ETV1: variants seen among roughly 807,000 people sequenced by gnomAD.
ETV1 encodes ETS translocation variant 1.
Under a neutral mutation model 62.3 loss-of-function variants are expected in ETV1, and 27 were observed. The observed-to-expected ratio is 0.43, with a 90% CI of 0.32 to 0.60. The LOEUF (loss-of-function observed/expected upper bound fraction) is 0.60. ETV1 is among the 20% of genes least tolerant of loss of function. ETV1 has a pLI of 0.06. For missense variants in ETV1, 605 were observed against 605.8 expected (o/e 1.00, Z 0.01); for synonymous variants, 222 against 199.6 (o/e 1.11, Z -0.94).
chr7:13,925,943 A>C (rs1213445559), intron 9 of ETV1, among the ~76,000 whole-genome samples: 1 of 152,008 alleles, frequency 6.6e-6, no homozygotes, highest in African/African-American at 2.4e-5. Flanking sequence ...TTAATACTTC[A>C]CAGATACAAA....
At chr7:13,958,069 T>A (rs1789702225) in intron 6 of ETV1, among the ~76,000 whole-genome samples, 1 of 152,230 alleles carries the variant, frequency 6.6e-6, no homozygotes, top group African/African-American at 2.4e-5. Flanking sequence ...CCAGTGACTA[T>A]TTCTTTGAAT....
intron 7 of ETV1, among the ~76,000 whole-genome samples, chr7:13,937,081 G>C (rs939556929): frequency 2.0e-5 from 3 of 152,002 alleles, no homozygotes; most frequent in Admixed American, 6.6e-5. Context: ...GCAATCATCA[G>C]TACACTTTTT....
At chr7:13,956,885 T>A (rs1789527421) in intron 6 of ETV1, among the ~76,000 whole-genome samples, 1 of 152,072 alleles carries the variant, frequency 6.6e-6, no homozygotes, top group African/African-American at 2.4e-5. Context: ...TTCTGTGGAT[T>A]AATAAAATTT....
intron 12 of ETV1, among the ~76,000 whole-genome samples, chr7:13,903,563 G>C (rs1782655035): frequency 1.3e-5 from 2 of 152,026 alleles, no homozygotes; most frequent in South Asian, 4.2e-4. Flanking sequence ...AGGAGTTCAA[G>C]ACCACCCTGG....
At chr7:13,933,040 G>C (rs972594686) in intron 8 of ETV1, among the ~76,000 whole-genome samples, 4 of 152,126 alleles carry the variant, frequency 2.6e-5, no homozygotes, top group African/African-American at 9.7e-5. Context: ...GACTGGCACT[G>C]CATTCATTTC....
In ETV1 at chr7:13,906,415, A is replaced by T. The variant is rs1782963439; in HGVS notation, c.1110+15T>A. On this transcript the variant is annotated intron_variant, in intron 12 of 13. Coordinates refer to ENST00000430479, the MANE Select transcript of ETV1 (RefSeq NM_004956.5). ...AACATGTCTGAGTGTCCTAATTAAAATCTATTAAACTAACCTCTTCAGGCT... is the reference window on the plus strand; with the variant it reads ...AACATGTCTGAGTGTCCTAATTAAATTCTATTAAACTAACCTCTTCAGGCT... The T allele has an allele frequency of 1.3e-6, 2 of 1,512,876 alleles. No individual in the cohort carries two copies. The highest frequency in any genetic ancestry group is 1.8e-6 in the Non-Finnish European group (2 of 1,129,914). The allele number at this position is 1,512,876 out of a possible 1,614,324, so 93.7% of individuals were successfully genotyped here.
At chr7:13,986,016 C>A in intron 5 of ETV1, 1 of 985,448 alleles carries the variant, frequency 1.0e-6, no homozygotes, top group South Asian at 1.5e-5. Context: ...TCAATTTCAG[C>A]AAACATAACA....
At chr7:13,967,535 T>C (rs1276750376) in intron 6 of ETV1, among the ~76,000 whole-genome samples, 1 of 152,122 alleles carries the variant, frequency 6.6e-6, no homozygotes, top group African/African-American at 2.4e-5. Context: ...CCTTAGCTAC[T>C]GTCAAATGCA....
chr7:13,944,247 G>C (rs1028322684), intron 6 of ETV1, among the ~76,000 whole-genome samples: 10 of 152,222 alleles, frequency 6.6e-5, no homozygotes, highest in African/African-American at 2.2e-4. Context: ...AAATACCATA[G>C]ACCGTATGGT....
At chr7:13,946,874 T>G (rs1358133839) in intron 6 of ETV1, among the ~76,000 whole-genome samples, 6 of 152,166 alleles carry the variant, frequency 3.9e-5, no homozygotes, top group Non-Finnish European at 8.8e-5. Context: ...CCGCAACCCC[T>G]GCCTCGCGGG....
At chr7:13,988,908 C>A in intron 3 of ETV1, 100 bp downstream of exon 3, 2 of 1,506,100 alleles carry the variant, frequency 1.3e-6, no homozygotes, top group South Asian at 2.4e-5. Context: ...TAAGTATCTG[C>A]AATCCCAACC....
intron 5 of ETV1, among the ~76,000 whole-genome samples, chr7:13,981,144 C>G (rs1583889019): frequency 6.6e-6 from 1 of 151,936 alleles, no homozygotes; most frequent in East Asian, 1.9e-4. Flanking sequence ...AAACAAACGT[C>G]AAGTATAAAA....
In ETV1 at chr7:13,954,132, G is replaced by C. The variant is rs1583779827; in HGVS notation, c.236-14886C>G. On this transcript the variant is annotated intron_variant, in intron 6 of 13. Coordinates refer to ENST00000430479, the MANE Select transcript of ETV1 (RefSeq NM_004956.5). Reference sequence around the variant, plus strand: ...TACTAAAAAGGCATTTCTAAGATTTGTAAGTATTACTCACTAACAACAAGT... The same window carrying C: ...TACTAAAAAGGCATTTCTAAGATTTCTAAGTATTACTCACTAACAACAAGT... Among the ~76,000 whole-genome samples, 3 of 152,066 alleles carry C rather than the reference G, an allele frequency of 2.0e-5. No individual in the cohort carries two copies. In the East Asian group the frequency reaches 5.8e-4, roughly 29 times the overall value.
chr7:13,927,594 T>TCC (rs10699463), intron 9 of ETV1, among the ~76,000 whole-genome samples: 11,802 of 152,248 alleles, frequency 0.078, 844 homozygotes, highest in African/African-American at 0.19. Flanking sequence ...GCATTAGATT[T>TCC]CCTCAAAGGT....
At chr7:13,926,953 T>G in intron 9 of ETV1, among the ~76,000 whole-genome samples, 1 of 152,168 alleles carries the variant, frequency 6.6e-6, no homozygotes, top group Non-Finnish European at 1.5e-5. Flanking sequence ...TAATTATAAT[T>G]ATAACTAATA....
chr7:13,953,598 G>A (rs1489982921), intron 6 of ETV1, among the ~76,000 whole-genome samples: 2 of 151,806 alleles, frequency 1.3e-5, no homozygotes, highest in Non-Finnish European at 2.9e-5. Flanking sequence ...CCTGCAGAAT[G>A]TGCAGACACC....
intron 9 of ETV1, among the ~76,000 whole-genome samples, chr7:13,927,129 T>C (rs976593200): frequency 6.6e-5 from 10 of 152,142 alleles, no homozygotes; most frequent in African/African-American, 2.4e-4. Flanking sequence ...CTTTGGATCA[T>C]AGATGCTGAG....
chr7:13,928,700 G>C (rs1421102731), intron 9 of ETV1, among the ~76,000 whole-genome samples: 1 of 152,146 alleles, frequency 6.6e-6, no homozygotes, highest in Admixed American at 6.5e-5. Context: ...GCTCACACCA[G>C]TAATCCCAGC....
At chr7:13,914,238 C>T (rs1489736762) in intron 9 of ETV1, among the ~76,000 whole-genome samples, 2 of 151,900 alleles carry the variant, frequency 1.3e-5, no homozygotes, top group Non-Finnish European at 2.9e-5. Context: ...ATGTTAGCTC[C>T]TAAAGCGCTC....
Sources: gnomAD v4.1 joint callset for allele counts (sites outside exome capture counted in the v4.1 genomes callset) on GRCh38, gnomAD v4.1.1 for gene constraint, MANE v1.5 for transcripts, NCBI Gene and HGNC (gene_info 2026-07-23, HGNC 2026-07-21) for gene names.